The following SIPA1L3 variants were observed in gnomAD, a reference collection of about 807,000 sequenced individuals.
SIPA1L3 encodes signal induced proliferation associated 1 like 3, also known as signal-induced proliferation-associated 1-like protein 3.
In SIPA1L3, 59 loss-of-function variants were observed where a neutral mutation model predicts 150.1. The observed-to-expected ratio is 0.39, with a 90% CI of 0.32 to 0.49. The LOEUF (loss-of-function observed/expected upper bound fraction) is 0.49, where lower values mean the gene tolerates loss of function less well. Among genes scored for constraint, SIPA1L3 ranks in the 20% least tolerant of loss-of-function variants. The pLI, the probability that SIPA1L3 is intolerant of heterozygous loss-of-function variation, is 0.86. For synonymous variants in SIPA1L3, 1,070 were observed against 1,077.6 expected (o/e 0.99, Z 0.14); for missense variants, 2,211 against 2,489.5 (o/e 0.89, Z 2.38).
intron 15 of SIPA1L3, among the ~76,000 whole-genome samples, chr19:38,167,946 G>T (rs1472339434): frequency 2.0e-5 from 3 of 152,126 alleles, no homozygotes; most frequent in Non-Finnish European, 4.4e-5. Context: ...CCATTCATAA[G>T]TATTTCTTAG....
chr19:38,156,141 G>A (rs1340781351), intron 13 of SIPA1L3, among the ~76,000 whole-genome samples: 1 of 152,046 alleles, frequency 6.6e-6, no homozygotes, highest in Non-Finnish European at 1.5e-5. Context: ...GAACTGCTGG[G>A]GCCTCAGCCT....
intron 8 of SIPA1L3, 88 bp from the exon 9 acceptor site, chr19:38,119,218 C>G (rs967919951): frequency 7.0e-6 from 9 of 1,279,958 alleles, no homozygotes; most frequent in Middle Eastern, 3.9e-4. Flanking sequence ...AACAAAAAAC[C>G]CTATTCCTAT....
At chr19:37,925,493 A>G (rs2046495246) in intron 1 of SIPA1L3, among the ~76,000 whole-genome samples, 2 of 151,844 alleles carry the variant, frequency 1.3e-5, no homozygotes. Context: ...GGATGAGGGT[A>G]GAGAGGAGAT....
At chr19:37,955,745 G>A (rs2046805048) in intron 1 of SIPA1L3, among the ~76,000 whole-genome samples, 1 of 152,100 alleles carries the variant, frequency 6.6e-6, no homozygotes, top group Non-Finnish European at 1.5e-5. Context: ...TCTATTGTAT[G>A]GGTAAACCAC....
chr19:38,114,210 C>T (rs772782284), intron 8 of SIPA1L3, among the ~76,000 whole-genome samples: 3 of 151,998 alleles, frequency 2.0e-5, no homozygotes, highest in Non-Finnish European at 2.9e-5. Context: ...CACCTGAGAT[C>T]GGGAGTTCAA....
intron 12 of SIPA1L3, among the ~76,000 whole-genome samples, chr19:38,145,882 A>G (rs1317706752): frequency 1.3e-5 from 2 of 149,644 alleles, no homozygotes; most frequent in East Asian, 2.0e-4. Flanking sequence ...TTTTTTGGAG[A>G]CAAAGTCTCA....
At chr19:38,138,134 T>TAA (rs59553756) in intron 10 of SIPA1L3, among the ~76,000 whole-genome samples, 189 of 145,198 alleles carry the variant, frequency 1.3e-3, no homozygotes, top group Admixed American at 2.0e-3. Flanking sequence ...CTGTCTCAAA[T>TAA]AAAAAAAAAA....
chr19:38,008,501 T>C (rs1968017558), intron 1 of SIPA1L3, among the ~76,000 whole-genome samples: 1 of 152,184 alleles, frequency 6.6e-6, no homozygotes, highest in African/African-American at 2.4e-5. Context: ...AGTGCTGGGA[T>C]TGCAGACGTG....
intron 1 of SIPA1L3, among the ~76,000 whole-genome samples, chr19:38,000,717 C>CTT (rs1198602818): frequency 1.4e-5 from 2 of 138,998 alleles, no homozygotes; most frequent in Non-Finnish European, 3.1e-5. Flanking sequence ...ATGCAAAAGA[C>CTT]TTTAAAGAGA....
chr19:38,082,717 C>T lies in SIPA1L3; in HGVS notation c.1152C>T (p.Leu384=). The change falls in exon 3 of 22, where the codon CTC becomes CTT. Residue 384 remains leucine (L), a synonymous_variant. Coordinates refer to ENST00000222345, the MANE Select transcript of SIPA1L3 (RefSeq NM_015073.3). Reference sequence around the variant, plus strand: ...CCGCCGCCTCGGCCATGGCCTCCCTCACGGCCTCGCGGGCCCACAGCCTCG... The same window carrying T: ...CCGCCGCCTCGGCCATGGCCTCCCTTACGGCCTCGCGGGCCCACAGCCTCG... ...AASAASAMAS[L]TASRAHSLGG... The T allele has an allele frequency of 6.2e-7, 1 of 1,611,688 alleles. No individual in the cohort carries two copies. Among genetic ancestry groups the T allele is most frequent in the Non-Finnish European group, 8.5e-7 (1 of 1,179,446 alleles).
chr19:37,987,813 C>T (rs1222585543), intron 1 of SIPA1L3, among the ~76,000 whole-genome samples: 2 of 152,160 alleles, frequency 1.3e-5, no homozygotes, highest in Non-Finnish European at 2.9e-5. Flanking sequence ...ACTGTCCCGG[C>T]GCCTTTACTG....
At chr19:37,910,600 T>C (rs551635290) in intron 1 of SIPA1L3, among the ~76,000 whole-genome samples, 10 of 152,024 alleles carry the variant, frequency 6.6e-5, no homozygotes, top group Non-Finnish European at 1.3e-4. Context: ...TCAAGACTGA[T>C]ATTGCTTCCT....
intron 2 of SIPA1L3, among the ~76,000 whole-genome samples, chr19:38,064,936 C>T (rs1471161631): frequency 6.6e-6 from 1 of 152,220 alleles, no homozygotes; most frequent in Middle Eastern, 3.2e-3. Context: ...CTTCTATCCA[C>T]TCTGCTGCAG....
chr19:38,032,864 A>AC (rs397807439), intron 2 of SIPA1L3, among the ~76,000 whole-genome samples: 1 of 151,730 alleles, frequency 6.6e-6, no homozygotes, highest in Non-Finnish European at 1.5e-5. Flanking sequence ...AAAAAAAAAA[A>AC]GAAGTGAATA....
At chr19:38,073,462 T>A (rs1368341110) in intron 2 of SIPA1L3, among the ~76,000 whole-genome samples, 2 of 152,194 alleles carry the variant, frequency 1.3e-5, no homozygotes, top group Admixed American at 6.5e-5. Flanking sequence ...CAACTGACTG[T>A]CTCCCACTGC....
At position 38,122,774 on chromosome 19, in the gene SIPA1L3, G is replaced by A. The variant is rs538035966; in HGVS notation, c.2868+2892G>A. Among the ~76,000 whole-genome samples the A allele has an allele frequency of 2.1e-4, 32 of 152,286 alleles. 1 individual carries two copies. In the South Asian group the frequency reaches 6.7e-3, roughly 32 times the overall value. ...TGCTAGGGCGGCGTCCAGCCTCAGG[G>A]CCTTTGTACCACCTCTTGCTGGAAC... On this transcript the variant is annotated intron_variant, in intron 9 of 21. Coordinates refer to ENST00000222345, the MANE Select transcript of SIPA1L3 (RefSeq NM_015073.3).
At chr19:38,115,577 C>G (rs1600091464) in intron 8 of SIPA1L3, among the ~76,000 whole-genome samples, 1 of 152,286 alleles carries the variant, frequency 6.6e-6, no homozygotes, top group South Asian at 2.1e-4. Context: ...CCCTGGTGAC[C>G]TCATGGCCTC....
At chr19:37,921,561 C>T (rs1419735598) in intron 1 of SIPA1L3, among the ~76,000 whole-genome samples, 1 of 152,008 alleles carries the variant, frequency 6.6e-6, no homozygotes, top group East Asian at 1.9e-4. Flanking sequence ...CATAAACTTC[C>T]ACCCCCAGCA....
At chr19:37,937,608 G>C (rs1599814814) in intron 1 of SIPA1L3, among the ~76,000 whole-genome samples, 1 of 150,986 alleles carries the variant, frequency 6.6e-6, no homozygotes, top group Non-Finnish European at 1.5e-5. Flanking sequence ...CAGGTGTGGT[G>C]GCATGCACTT....
Sources: gnomAD v4.1 joint callset for allele counts (sites outside exome capture counted in the v4.1 genomes callset) on GRCh38, gnomAD v4.1.1 for gene constraint, MANE v1.5 for transcripts, NCBI Gene and HGNC (gene_info 2026-07-23, HGNC 2026-07-21) for gene names.